TTC6: variants seen among roughly 807,000 people sequenced by gnomAD.
The protein encoded by TTC6 is tetratricopeptide repeat domain 6.
Under a neutral mutation model 210.4 loss-of-function variants are expected in TTC6, and 172 were observed. That is an observed-to-expected ratio of 0.82 (90% CI 0.72 to 0.93). The LOEUF is 0.93. TTC6 is among the 40% of genes least tolerant of loss of function. The pLI, the probability that TTC6 is intolerant of heterozygous loss-of-function variation, is 0.00. For missense variants in TTC6, 2,414 were observed against 2,318.1 expected (o/e 1.04, Z -0.85); for synonymous variants, 804 against 819.6 (o/e 0.98, Z 0.32).
intron 1 of TTC6, among the ~76,000 whole-genome samples, chr14:37,674,953 A>G (rs1262880165): frequency 6.6e-6 from 1 of 152,088 alleles, no homozygotes; most frequent in Non-Finnish European, 1.5e-5. Flanking sequence ...AGTAACTATC[A>G]TGTATAAATT....
At chr14:37,817,340 T>C (rs567958465) in intron 25 of TTC6, among the ~76,000 whole-genome samples, 1 of 152,284 alleles carries the variant, frequency 6.6e-6, no homozygotes, top group Non-Finnish European at 1.5e-5. Flanking sequence ...TAGTACAAGA[T>C]TCTGAGTGAG....
At chr14:37,797,637 T>C (rs1167081749) in intron 20 of TTC6, among the ~76,000 whole-genome samples, 1 of 152,010 alleles carries the variant, frequency 6.6e-6, no homozygotes, top group Admixed American at 6.6e-5. Context: ...TAAAGTTTAA[T>C]GTAGTAATAT....
Position 37,710,751 on chromosome 14 carries a change from A to G in TTC6, c.1572-3904A>G, listed in dbSNP as rs559671766. Among the ~76,000 whole-genome samples, 4 of 152,184 alleles carry G rather than the reference A, an allele frequency of 2.6e-5. No homozygotes were observed. In the South Asian group the frequency reaches 8.3e-4, roughly 32 times the overall value. On this transcript the variant is annotated intron_variant, in intron 5 of 30. Transcript: ENST00000553443. ...TCCAAAGGCTCACTCTTTCCACTAT[A>G]TCAGTGATTTTTAGTCTTCCTTGAG...
At chr14:37,645,077 TC>T (rs2095699044) in intron 1 of TTC6, among the ~76,000 whole-genome samples, 1 of 152,328 alleles carries the variant, frequency 6.6e-6, no homozygotes, top group South Asian at 2.1e-4. Flanking sequence ...CCAACTACTT[TC>T]CAACTAGTAG....
At position 37,598,557 on chromosome 14, in the gene TTC6, C is replaced by T. The variant is rs573604642; in HGVS notation, c.-235+2549C>T. Among the ~76,000 whole-genome samples, 23 of 152,344 alleles carry T rather than the reference C, an allele frequency of 1.5e-4. No homozygotes were observed. The South Asian group carries it at 2.7e-3, about 18-fold the overall frequency. Reference sequence around the variant, plus strand: ...GACCACGCTTGGCTGCCTCAGCTTACACTTCCCAGCAGGATCTGGCTGGGA... The same window carrying T: ...GACCACGCTTGGCTGCCTCAGCTTATACTTCCCAGCAGGATCTGGCTGGGA... On this transcript the variant is annotated intron_variant, in intron 1 of 2. Transcript: ENST00000556845. The surrounding 1 kb of genome is among the most constrained non-coding windows in gnomAD (Gnocchi z 4.9).
At chr14:37,723,023 G>A (rs772489268) in intron 6 of TTC6, among the ~76,000 whole-genome samples, 29 of 151,970 alleles carry the variant, frequency 1.9e-4, no homozygotes, top group Non-Finnish European at 2.6e-4. Flanking sequence ...GAATATTTAC[G>A]TTATACTTTG....
At chr14:37,807,217 CT>C (rs1469589761) in intron 22 of TTC6, 102 bp from the exon 25 acceptor site, 3 of 1,088,670 alleles carry the variant, frequency 2.8e-6, no homozygotes, top group Non-Finnish European at 2.4e-6. Context: ...TTTTAATACC[CT>C]TTTTGGGAGG....
At chr14:37,651,366 T>C (rs1172385986) in intron 1 of TTC6, among the ~76,000 whole-genome samples, 2 of 134,206 alleles carry the variant, frequency 1.5e-5, no homozygotes, top group Non-Finnish European at 1.6e-5. Flanking sequence ...TCTTAGAAAT[T>C]GAATATATGC....
At chr14:37,782,946 G>A (rs1056682957) in intron 14 of TTC6, among the ~76,000 whole-genome samples, 3 of 152,170 alleles carry the variant, frequency 2.0e-5, no homozygotes, top group African/African-American at 7.2e-5. Context: ...ATTCGTGTAT[G>A]TTGAATCAGC....
intron 3 of TTC6, among the ~76,000 whole-genome samples, chr14:37,688,414 A>G (rs909691811): frequency 3.1e-4 from 47 of 152,194 alleles, no homozygotes; most frequent in African/African-American, 1.1e-3. Context: ...CCACCTGCTG[A>G]TCGTAGAGCT....
intron 20 of TTC6, chr14:37,802,070 G>A (rs1213468934): frequency 6.6e-6 from 1 of 152,120 alleles, no homozygotes; most frequent in Non-Finnish European, 1.5e-5. Context: ...AGCATAAAAA[G>A]TAATGAGATC....
intron 1 of TTC6, among the ~76,000 whole-genome samples, chr14:37,677,591 G>A (rs1008668558): frequency 6.6e-6 from 1 of 151,920 alleles, no homozygotes; most frequent in African/African-American, 2.4e-5. Context: ...GAACTTAGGG[G>A]GTTTGTAGCT....
chr14:37,596,235 G>A (rs981516498), intron 1 of TTC6, among the ~76,000 whole-genome samples: 1 of 152,228 alleles, frequency 6.6e-6, no homozygotes, highest in Non-Finnish European at 1.5e-5. Context: ...GGAGACGACC[G>A]TCTGGTTTCT....
At chr14:37,720,548 C>T (rs1022094443) in intron 6 of TTC6, 8 of 137,230 alleles carry the variant, frequency 5.8e-5, no homozygotes, top group African/African-American at 2.2e-4. Flanking sequence ...AACACTGAAG[C>T]AGGTTGCACA....
At chr14:37,706,530 C>T (rs979409597) in intron 5 of TTC6, among the ~76,000 whole-genome samples, 2 of 152,032 alleles carry the variant, frequency 1.3e-5, no homozygotes, top group South Asian at 2.1e-4. Context: ...TTTATAATAA[C>T]TAAAAACTGG....
chr14:37,663,003 AT>A (rs375534221), intron 1 of TTC6, among the ~76,000 whole-genome samples: 66 of 149,344 alleles, frequency 4.4e-4, no homozygotes, highest in African/African-American at 1.4e-3. Context: ...AATGATATTG[AT>A]TTTTTTTTTA....
intron 14 of TTC6, among the ~76,000 whole-genome samples, chr14:37,753,743 A>AT (rs3062809): frequency 0.16 from 22,597 of 139,206 alleles, 2,274 homozygotes; most frequent in East Asian, 0.4. Context: ...TAATTTTTCA[A>AT]TTTTTTTTTT....
chr14:37,655,509 CCTTT>C (rs376848050), intron 1 of TTC6, among the ~76,000 whole-genome samples: 158 of 152,266 alleles, frequency 1.0e-3, no homozygotes, highest in African/African-American at 3.6e-3. Context: ...CCCAGAACTT[CCTTT>C]GTGTTAGTTT....
intron 5 of TTC6, among the ~76,000 whole-genome samples, chr14:37,701,863 A>G (rs1020646655): frequency 6.6e-6 from 1 of 152,184 alleles, no homozygotes; most frequent in Non-Finnish European, 1.5e-5. Flanking sequence ...ACACATAGAC[A>G]ATTTAAAAAA....
Sources: allele counts gnomAD v4.1 joint callset (sites outside exome capture counted in the v4.1 genomes callset), GRCh38; gene constraint gnomAD v4.1.1; non-coding constraint Gnocchi (gnomAD v3.1); transcripts MANE v1.5; gene names NCBI Gene and HGNC (gene_info 2026-07-23, HGNC 2026-07-21).